The following MYO19 variants were observed in gnomAD, a reference collection of about 807,000 sequenced individuals.
MYO19 encodes the protein myosin XIX, also known as unconventional myosin-XIX.
MYO19 carries 132 observed loss-of-function variants against 129.2 expected under a neutral mutation model. The observed-to-expected ratio is 1.02, with a 90% CI of 0.89 to 1.18. The LOEUF (loss-of-function observed/expected upper bound fraction) is 1.18, where lower values mean the gene tolerates loss of function less well. Ranked by LOEUF, MYO19 falls within the 50% of genes most tolerant of loss-of-function variation. The pLI is 0.00. For synonymous variants in MYO19, 531 were observed against 477.2 expected (o/e 1.11, Z -1.47); for missense variants, 1,210 against 1,216.7 (o/e 0.99, Z 0.08).
At position 36,506,962 on chromosome 17, in the gene MYO19, C is replaced by G; in HGVS notation, c.1644+1G>C. ...CCCACAGGGCATGGCCCAGCCCGTACCTTGTTCTTCTCCACCAGGCCTGCT... is the reference window on the plus strand; with the variant it reads ...CCCACAGGGCATGGCCCAGCCCGTAGCTTGTTCTTCTCCACCAGGCCTGCT... On this transcript the variant is annotated splice_donor_variant, in intron 17 of 25. Coordinates refer to ENST00000614623, the MANE Select transcript of MYO19 (RefSeq NM_001163735.2). LOFTEE classifies it high-confidence loss of function. The G allele has an allele frequency of 6.3e-7, 1 of 1,591,374 alleles. No individual in the cohort carries two copies. The highest frequency in any genetic ancestry group is 8.6e-7 in the Non-Finnish European group (1 of 1,163,696).
chr17:36,504,635 T>G (rs1010601096), intron 19 of MYO19: 2 of 157,756 alleles, frequency 1.3e-5, no homozygotes, highest in African/African-American at 4.8e-5. Context: ...ACCGGCTGAG[T>G]GCAGTGGCTG....
chr17:36,539,442 C>T (rs1469782420), upstream of MYO19: 2 of 161,052 alleles, frequency 1.2e-5, no homozygotes, highest in African/African-American at 4.8e-5. Flanking sequence ...AAATAAAATA[C>T]TTATATACTA....
rs144924728 is a variant in MYO19, at chr17:36,507,569, G to A, written c.1354-57C>T. The A allele has an allele frequency of 6.9e-5, 107 of 1,549,522 alleles. No homozygotes were observed. In the African/African-American group the frequency reaches 1.1e-3, roughly 16 times the overall value. On this transcript the variant is annotated intron_variant, in intron 15 of 25. Transcript: ENST00000614623. ...GGCAGCTGTGGTCTGATGTCCTGAC[G>A]GGCCATCCACGGCTGGCCTCGGTAC...
In MYO19 at chr17:36,501,142, G is replaced by A. The variant is rs368587558; in HGVS notation, c.2174C>T (p.Thr725Ile). The A allele has an allele frequency of 4.5e-5, 73 of 1,614,088 alleles. No individual in the cohort carries two copies. In the African/African-American group the frequency reaches 8.1e-4, roughly 18 times the overall value. The change falls in exon 22 of 26, where the codon ACT becomes ATT. Residue 725 changes from threonine (T) to isoleucine (I), a missense_variant. Physicochemically the swap from Thr to Ile is moderately conservative, Grantham distance 89. Transcript: ENST00000614623. ...TGGCATGGCCTCAGCCGAGTCACCA[G>A]TTATGGCTGCTGCCTGAGTTAGGAC... The part of the protein sequence containing the change: ...LPVLTQAAAI[T>I]GDSAEAMPAP...
At position 36,506,601 on chromosome 17, in the gene MYO19, A is replaced by G. The variant is rs945163150; in HGVS notation, c.1652T>C (p.Ile551Thr). The change falls in exon 18 of 26, where the codon ATC (isoleucine) becomes ACC (threonine). Residue 551 changes from isoleucine (I) to threonine (T), a missense_variant. Coordinates refer to ENST00000614623, the MANE Select transcript of MYO19 (RefSeq NM_001163735.2). ...AGLVEKNKDP[I>T]PPELTRLLQQ... ...CAGGAGCCTGGTCAGCTCAGGTGGGATAGGGTCCTATTGGGAAATGGCAAG... is the reference window on the plus strand; with the variant it reads ...CAGGAGCCTGGTCAGCTCAGGTGGGGTAGGGTCCTATTGGGAAATGGCAAG... The G allele has an allele frequency of 3.9e-6, 6 of 1,531,180 alleles. No individual in the cohort carries two copies. Among genetic ancestry groups the G allele is most frequent in the African/African-American group, 1.4e-5 (1 of 71,586 alleles). The allele number at this position is 1,531,180 out of a possible 1,614,324, so 94.8% of individuals were successfully genotyped here.
At chr17:36,501,952 G>C (rs1012087606) in intron 21 of MYO19, 2 of 152,604 alleles carry the variant, frequency 1.3e-5, no homozygotes, top group Non-Finnish European at 2.9e-5. Context: ...TCAACCAGGG[G>C]CCAGAAGGGC....
At chr17:36,497,589 C>CTTTT in intron 25 of MYO19, 1 of 818,428 alleles carries the variant, frequency 1.2e-6, no homozygotes, top group Non-Finnish European at 1.5e-6. Context: ...CTAAACCAAA[C>CTTTT]TTTTTTTTTT....
At chr17:36,509,218 C>T (rs1173579370) in intron 13 of MYO19, 83 bp from the exon 14 acceptor site, 3 of 1,238,368 alleles carry the variant, frequency 2.4e-6, no homozygotes, top group Non-Finnish European at 2.3e-6. Flanking sequence ...CATCAGGGTG[C>T]TACACCCTGG....
upstream of MYO19, chr17:36,538,111 T>C (rs1326804993): frequency 5.0e-6 from 8 of 1,614,220 alleles, no homozygotes; most frequent in African/African-American, 2.7e-5. Flanking sequence ...AAAGACTTGA[T>C]AAAAGTAGCC....
At chr17:36,527,520 C>T (rs1208727960) in intron 5 of MYO19, 31 bp downstream of exon 5, 10 of 1,606,380 alleles carry the variant, frequency 6.2e-6, no homozygotes, top group Non-Finnish European at 8.5e-6. Flanking sequence ...GTAGAGGAGC[C>T]CTGAGGCCAC....
At chr17:36,538,563 T>A (rs781199679), upstream of MYO19, 2 of 1,613,700 alleles carry the variant, frequency 1.2e-6, no homozygotes, top group African/African-American at 1.3e-5. Flanking sequence ...GTTTTCCAAC[T>A]GTTTAATTGT....
chr17:36,513,326 T>G, intron 11 of MYO19, 103 bp downstream of exon 11: 1 of 1,601,842 alleles, frequency 6.2e-7, no homozygotes, highest in Non-Finnish European at 8.5e-7. Context: ...CCCAAAGTCC[T>G]AGATCCTCAG....
exon 1 of MYO19, chr17:36,543,321 A>G (rs2074209640): frequency 6.6e-6 from 1 of 151,482 alleles, no homozygotes; most frequent in African/African-American, 2.4e-5. Flanking sequence ...ACGCTCGGCT[A>G]ATTTTGTATT....
rs1215944929 is a variant in MYO19 at position 36,498,417 on chromosome 17, A to G, written c.2606T>C (p.Val869Ala). The G allele has an allele frequency of 6.2e-7, 1 of 1,614,020 alleles. No individual in the cohort carries two copies. The highest frequency in any genetic ancestry group is 1.1e-5 in the South Asian group (1 of 91,084). Residue 869 changes from valine to alanine, a missense_variant, in exon 25 of 26, where the codon GTC becomes GCC. By Grantham distance (64) the Val-to-Ala change is moderately conservative. Transcript: ENST00000614623. Reference protein sequence around the residue: ...AIIRLWPLGLVLANTAMGVGS... With the variant: ...AIIRLWPLGLALANTAMGVGS... ...TACACCCATAGCCGTATTGGCCAGG[A>G]CCAGTCCCAGGGGCCAGAGGCGGAT...
intron 19 of MYO19, 45 bp downstream of exon 19, chr17:36,505,252 C>G: frequency 6.5e-7 from 1 of 1,534,878 alleles, no homozygotes; most frequent in Non-Finnish European, 9.0e-7. Flanking sequence ...GGGCCTTGGC[C>G]AGATGGGGTT....
intron 6 of MYO19, among the ~76,000 whole-genome samples, chr17:36,522,762 A>G (rs1358815641): frequency 6.6e-6 from 1 of 151,990 alleles, no homozygotes; most frequent in East Asian, 1.9e-4. Flanking sequence ...AATCCCAGCA[A>G]TCTGGGAGGC....
At chr17:36,499,016 G>GTCCA (rs1252287982) in intron 24 of MYO19, 59 bp downstream of exon 24, 13 of 1,372,394 alleles carry the variant, frequency 9.5e-6, no homozygotes, top group Non-Finnish European at 1.3e-5. Context: ...TCCCACTCGG[G>GTCCA]TCCATCTGGT....
chr17:36,516,023 C>T, intron 6 of MYO19, 33 bp from the exon 7 acceptor site: 4 of 1,586,558 alleles, frequency 2.5e-6, no homozygotes, highest in Non-Finnish European at 3.4e-6. Flanking sequence ...GGAGCTGTAT[C>T]TATGCTCCCG....
At chr17:36,515,811 C>A in intron 7 of MYO19, 47 bp downstream of exon 7, 1 of 1,570,088 alleles carries the variant, frequency 6.4e-7, no homozygotes. Flanking sequence ...GTGGAAAATC[C>A]CAGAGGAAAT....
Sources: gnomAD v4.1 joint callset for allele counts (sites outside exome capture counted in the v4.1 genomes callset) on GRCh38, gnomAD v4.1.1 for gene constraint, MANE v1.5 for transcripts, NCBI Gene and HGNC (gene_info 2026-07-23, HGNC 2026-07-21) for gene names.